The following TSHZ3 variants were observed in gnomAD, a reference collection of about 807,000 sequenced individuals.
The protein encoded by TSHZ3 is teashirt zinc finger homeobox 3, also known as teashirt homolog 3.
Under a neutral mutation model 64.5 loss-of-function variants are expected in TSHZ3, and 10 were observed. The ratio of observed to expected loss-of-function variants is 0.16; its 90% CI spans 0.10 to 0.26. The LOEUF (loss-of-function observed/expected upper bound fraction) is 0.26, where lower values mean the gene tolerates loss of function less well. TSHZ3 is among the 10% of genes least tolerant of loss of function. The pLI is 1.00. For missense variants in TSHZ3, 1,242 were observed against 1,421.7 expected, an observed-to-expected ratio of 0.87 and a Z score of 2.03; for synonymous variants, 608 against 593.1, an observed-to-expected ratio of 1.03 and a Z score of -0.36.
intron 4 of TSHZ3, among the ~76,000 whole-genome samples, chr19:31,217,640 A>G (rs1479060754): frequency 6.6e-6 from 1 of 152,134 alleles, no homozygotes; most frequent in Non-Finnish European, 1.5e-5. Context: ...GATGAACTGC[A>G]CTAACACATC....
At chr19:31,195,343 A>G (rs187556022) in intron 5 of TSHZ3, among the ~76,000 whole-genome samples, 189 of 152,266 alleles carry the variant, frequency 1.2e-3, no homozygotes, top group Admixed American at 4.6e-3. Context: ...TCCCCAAAGA[A>G]GCCATAGGGA....
chr19:31,346,775 A>T lies in TSHZ3; in HGVS notation c.40+2405T>A, dbSNP rs1049087572. ...GAAAAAAATGGGAAGTTTCTGGTCC[A>T]TCCAAACAAACAAACCACCCCCAAA... On this transcript the variant is annotated intron_variant, in intron 1 of 1. Transcript: ENST00000240587. Among the ~76,000 whole-genome samples, 3 of 151,992 alleles carry T rather than the reference A, an allele frequency of 2.0e-5. No individual in the cohort carries two copies. The East Asian group carries it at 5.8e-4, about 29-fold the overall frequency.
rs533391231 is a variant in TSHZ3 at position 31,336,405 on chromosome 19, C to A, written c.40+12775G>T. On this transcript the variant is annotated intron_variant, in intron 1 of 1. Coordinates refer to ENST00000240587, the MANE Select transcript of TSHZ3 (RefSeq NM_020856.4). Reference sequence around the variant, plus strand: ...GGACTCTGTAGTGCACTTTGTGGGACCACACGGAGACAGATTCGAAGTAGG... The same window carrying A: ...GGACTCTGTAGTGCACTTTGTGGGAACACACGGAGACAGATTCGAAGTAGG... 2.6e-5 allele frequency among the ~76,000 whole-genome samples: 4 copies of A among 152,238 alleles called. No homozygotes were observed. In the East Asian group the frequency reaches 7.7e-4, roughly 29 times the overall value.
chr19:31,242,276 TG>T (rs1383150759), exon 3 of TSHZ3, among the ~76,000 whole-genome samples: 1 of 152,150 alleles, frequency 6.6e-6, no homozygotes, highest in Non-Finnish European at 1.5e-5. Context: ...CACATGATTA[TG>T]GAGGCTGAGA....
intron 5 of TSHZ3, among the ~76,000 whole-genome samples, chr19:31,166,978 C>T (rs1007867257): frequency 1.3e-5 from 2 of 152,080 alleles, no homozygotes; most frequent in East Asian, 1.9e-4. Flanking sequence ...AGATCTTTAA[C>T]ACAAAAAGGG....
At chr19:31,227,278 C>T (rs1332273677) in intron 4 of TSHZ3, among the ~76,000 whole-genome samples, 1 of 152,036 alleles carries the variant, frequency 6.6e-6, no homozygotes, top group African/African-American at 2.4e-5. Context: ...CCACGCCTAG[C>T]CCAAATACCT....
At chr19:31,298,855 T>G (rs1017013578) in intron 1 of TSHZ3, among the ~76,000 whole-genome samples, 10 of 152,210 alleles carry the variant, frequency 6.6e-5, no homozygotes, top group Non-Finnish European at 1.2e-4. Context: ...TAAAATGTAC[T>G]ACTTAAGAGT....
intron 6 of TSHZ3, among the ~76,000 whole-genome samples, chr19:31,152,421 G>C (rs1974253676): frequency 1.3e-5 from 2 of 152,224 alleles, no homozygotes; most frequent in South Asian, 4.1e-4. Flanking sequence ...GGGGTGAGGT[G>C]GGAGGATTGC....
intron 1 of TSHZ3, among the ~76,000 whole-genome samples, chr19:31,253,907 A>G: frequency 6.6e-6 from 1 of 152,218 alleles, no homozygotes; most frequent in South Asian, 2.1e-4. Context: ...AGAATTTGAC[A>G]GTGCAATCTC....
chr19:31,228,573 A>G (rs887486246), intron 3 of TSHZ3, among the ~76,000 whole-genome samples: 5 of 151,760 alleles, frequency 3.3e-5, no homozygotes, highest in African/African-American at 1.2e-4. Context: ...CATGGTTCCC[A>G]AGAATATGTG....
intron 5 of TSHZ3, among the ~76,000 whole-genome samples, chr19:31,181,209 A>G (rs989573738): frequency 2.0e-5 from 3 of 152,134 alleles, no homozygotes; most frequent in African/African-American, 7.2e-5. Context: ...GGCCATGTTT[A>G]AGCATAAGAA....
rs547050521 is a variant in TSHZ3 at position 31,348,656 on chromosome 19, C to A, written c.40+524G>T. On this transcript the variant is annotated intron_variant, in intron 1 of 1. Transcript: ENST00000240587. ...CATCTGACAATACCCAGACCCTGTG[C>A]GCTCCGGGTTCCACCGCTGTGCCCA... 1.5e-3 allele frequency among the ~76,000 whole-genome samples: 236 copies of A among 152,276 alleles called. 7 individuals carry two copies. The South Asian group carries it at 0.048, about 31-fold the overall frequency.
At chr19:31,240,540 C>G (rs1975674442) in intron 3 of TSHZ3, among the ~76,000 whole-genome samples, 1 of 152,058 alleles carries the variant, frequency 6.6e-6, no homozygotes, top group Non-Finnish European at 1.5e-5. Flanking sequence ...CACTTTACAC[C>G]TATGAAAAGA....
chr19:31,193,221 T>A (rs1256541185), intron 5 of TSHZ3, among the ~76,000 whole-genome samples: 1 of 152,176 alleles, frequency 6.6e-6, no homozygotes, highest in Non-Finnish European at 1.5e-5. Flanking sequence ...TGACGCGACA[T>A]ATCTGGCCTC....
intron 1 of TSHZ3, among the ~76,000 whole-genome samples, chr19:31,320,850 T>G (rs1323448870): frequency 6.6e-6 from 1 of 152,168 alleles, no homozygotes; most frequent in Non-Finnish European, 1.5e-5. Flanking sequence ...GTATCTCTGG[T>G]TGCAGGATGT....
At chr19:31,349,755 C>T (rs1459568935), upstream of TSHZ3, among the ~76,000 whole-genome samples, 1 of 147,924 alleles carries the variant, frequency 6.8e-6, no homozygotes, top group Non-Finnish European at 1.5e-5. Context: ...GTCACGGCAT[C>T]CGGGGGGACG....
At chr19:31,258,233 C>G (rs916586492) in intron 1 of TSHZ3, among the ~76,000 whole-genome samples, 8 of 152,194 alleles carry the variant, frequency 5.3e-5, no homozygotes, top group African/African-American at 1.9e-4. Flanking sequence ...AGGGTATAAG[C>G]TCCCTGGCTC....
intron 1 of TSHZ3, among the ~76,000 whole-genome samples, chr19:31,281,260 G>A (rs1018733047): frequency 6.6e-6 from 1 of 152,078 alleles, no homozygotes; most frequent in Non-Finnish European, 1.5e-5. Context: ...AACAAAAACA[G>A]TGAAATGAGT....
At chr19:31,290,410 T>G in intron 1 of TSHZ3, among the ~76,000 whole-genome samples, 1 of 150,624 alleles carries the variant, frequency 6.6e-6, no homozygotes, top group African/African-American at 2.4e-5. Context: ...GGGGGAAGTG[T>G]GGGATGGAAT....
Sources: gnomAD v4.1 joint callset for allele counts (sites outside exome capture counted in the v4.1 genomes callset) on GRCh38, gnomAD v4.1.1 for gene constraint, MANE v1.5 for transcripts, NCBI Gene and HGNC (gene_info 2026-07-23, HGNC 2026-07-21) for gene names.